The following PTPRM variants were observed in gnomAD, a reference collection of about 807,000 sequenced individuals.
PTPRM encodes the protein receptor-type tyrosine-protein phosphatase mu.
PTPRM carries 47 observed loss-of-function variants against 186.7 expected under a neutral mutation model. The observed-to-expected ratio is 0.25, with a 90% CI of 0.20 to 0.32. PTPRM has a LOEUF of 0.32. Among genes scored for constraint, PTPRM ranks in the 10% least tolerant of loss-of-function variants. PTPRM has a pLI of 1.00. For synonymous variants in PTPRM, 668 were observed against 674.9 expected, an observed-to-expected ratio of 0.99 and a Z score of 0.16; for missense variants, 1,494 against 1,865.0, an observed-to-expected ratio of 0.80 and a Z score of 3.66.
rs912858302 is a variant in PTPRM, at chr18:8,028,738, C to A, written c.1133-40948C>A. On this transcript the variant is annotated intron_variant, in intron 7 of 32. Coordinates refer to ENST00000580170, the MANE Select transcript of PTPRM (RefSeq NM_001105244.2). Reference sequence around the variant, plus strand: ...TGTACTAGTCTGGGTAAAAGAAGAGCGTATTTCTGCCTTGCTAGTACATCA... The same window carrying A: ...TGTACTAGTCTGGGTAAAAGAAGAGAGTATTTCTGCCTTGCTAGTACATCA... Among the ~76,000 whole-genome samples, 4 of 152,134 alleles carry A rather than the reference C, an allele frequency of 2.6e-5. No homozygotes were observed. The South Asian group carries it at 8.3e-4, about 32-fold the overall frequency.
chr18:7,945,897 C>G (rs2052491055), intron 5 of PTPRM, among the ~76,000 whole-genome samples: 1 of 152,182 alleles, frequency 6.6e-6, no homozygotes, highest in Admixed American at 6.5e-5. Flanking sequence ...GTGTGATTTG[C>G]TATTCCTGTG....
intron 11 of PTPRM, among the ~76,000 whole-genome samples, chr18:8,102,570 T>A (rs907483198): frequency 2.7e-5 from 4 of 149,688 alleles, no homozygotes; most frequent in African/African-American, 1.0e-4. Flanking sequence ...AGTGTGATCA[T>A]GAGATTGCAG....
rs369527858 is a variant in PTPRM, at chr18:7,906,596, T to C, written c.547+13T>C. On this transcript the variant is annotated intron_variant, in intron 4 of 32. Transcript: ENST00000580170. The stretch of plus-strand genomic sequence containing the variant: ...GGACATCCATGTAGTAAGTTGTCTT[T>C]ATTTGTAAATATTCGGGTACATCAT... 7.0e-6 allele frequency: 11 copies of C among 1,572,140 alleles called. No individual in the cohort carries two copies. The African/African-American group carries it at 1.2e-4, about 17-fold the overall frequency.
intron 7 of PTPRM, among the ~76,000 whole-genome samples, chr18:8,027,169 A>G (rs150481553): frequency 1.2e-3 from 178 of 152,322 alleles, no homozygotes; most frequent in African/African-American, 4.0e-3. Context: ...ATTCACTTCT[A>G]ACAAAGAACT....
intron 1 of PTPRM, among the ~76,000 whole-genome samples, chr18:7,639,040 A>T (rs2038383295): frequency 6.6e-6 from 1 of 152,082 alleles, no homozygotes; most frequent in African/African-American, 2.4e-5. Context: ...TTCCAGGTGA[A>T]TTTAAACTAG....
chr18:7,690,095 C>A (rs2039700816), intron 1 of PTPRM, among the ~76,000 whole-genome samples: 1 of 152,190 alleles, frequency 6.6e-6, no homozygotes, highest in African/African-American at 2.4e-5. Flanking sequence ...CTACAGAAAT[C>A]AATCTCATTC....
intron 1 of PTPRM, among the ~76,000 whole-genome samples, chr18:7,605,527 T>TA (rs2037511013): frequency 6.6e-6 from 1 of 152,108 alleles, no homozygotes; most frequent in South Asian, 2.1e-4. Flanking sequence ...TATAGATGTA[T>TA]AAGGGAGGCA....
intron 7 of PTPRM, among the ~76,000 whole-genome samples, chr18:7,965,423 G>A (rs1262327474): frequency 3.9e-5 from 6 of 152,230 alleles, no homozygotes; most frequent in African/African-American, 1.2e-4. Flanking sequence ...GCTGAGGTGC[G>A]CTGGGAGACA....
At chr18:8,148,208 G>C (rs2146191615) in intron 14 of PTPRM, among the ~76,000 whole-genome samples, 1 of 152,128 alleles carries the variant, frequency 6.6e-6, no homozygotes, top group East Asian at 1.9e-4. Flanking sequence ...GTTTGGAATA[G>C]TTTGAGAAGG....
chr18:7,656,467 T>C (rs2038851490), intron 1 of PTPRM, among the ~76,000 whole-genome samples: 1 of 152,100 alleles, frequency 6.6e-6, no homozygotes, highest in African/African-American at 2.4e-5. Flanking sequence ...ATGGGGATGG[T>C]GTTTCTGTTT....
chr18:8,140,301 C>T (rs1207378008), intron 13 of PTPRM, among the ~76,000 whole-genome samples: 1 of 152,100 alleles, frequency 6.6e-6, no homozygotes, highest in African/African-American at 2.4e-5. Context: ...AAGCCAGTGG[C>T]TGAGTACATC....
chr18:7,957,972 G>A (rs2053425157), intron 7 of PTPRM, among the ~76,000 whole-genome samples: 2 of 152,114 alleles, frequency 1.3e-5, no homozygotes, highest in African/African-American at 4.8e-5. Flanking sequence ...AACATCCTTG[G>A]CCAGGGGCAA....
At chr18:7,962,682 C>T (rs1462193683) in intron 7 of PTPRM, among the ~76,000 whole-genome samples, 2 of 152,086 alleles carry the variant, frequency 1.3e-5, no homozygotes, top group African/African-American at 4.8e-5. Context: ...AGGCTGACCT[C>T]GCTGCTATTT....
At chr18:8,341,444 T>C (rs1233403076) in intron 22 of PTPRM, among the ~76,000 whole-genome samples, 1 of 152,124 alleles carries the variant, frequency 6.6e-6, no homozygotes, top group Non-Finnish European at 1.5e-5. Context: ...AATCCCAGAA[T>C]GTCGGCTGGC....
intron 9 of PTPRM, among the ~76,000 whole-genome samples, chr18:8,082,958 C>T (rs545601707): frequency 9.9e-5 from 15 of 151,704 alleles, no homozygotes; most frequent in African/African-American, 3.4e-4. Flanking sequence ...TCCTTTATTC[C>T]ATCCTCTTTT....
At chr18:7,735,779 T>G (rs79928248) in intron 1 of PTPRM, among the ~76,000 whole-genome samples, 8,138 of 151,812 alleles carry the variant, frequency 0.054, 561 homozygotes, top group African/African-American at 0.15. Flanking sequence ...CTACTGGGAG[T>G]CCTCATCTAA....
intron 13 of PTPRM, among the ~76,000 whole-genome samples, chr18:8,121,350 T>C (rs966204969): frequency 1.3e-5 from 2 of 152,254 alleles, no homozygotes; most frequent in Non-Finnish European, 1.5e-5. Flanking sequence ...TGTAAATTAG[T>C]AATCTTTCAT....
intron 1 of PTPRM, among the ~76,000 whole-genome samples, chr18:7,635,316 C>T (rs1160131506): frequency 2.0e-5 from 3 of 152,070 alleles, no homozygotes; most frequent in African/African-American, 7.2e-5. Flanking sequence ...TTTTATAATG[C>T]AGGGCCCAAG....
intron 12 of PTPRM, 76 bp from the exon 13 acceptor site, chr18:8,114,715 A>G (rs1320040905): frequency 5.8e-6 from 7 of 1,206,252 alleles, no homozygotes; most frequent in Non-Finnish European, 8.4e-6. Context: ...GTGCTATTTA[A>G]ATAGAATTAC....
Sources: allele counts gnomAD v4.1 joint callset (sites outside exome capture counted in the v4.1 genomes callset), GRCh38; gene constraint gnomAD v4.1.1; transcripts MANE v1.5; gene names NCBI Gene and HGNC (gene_info 2026-07-23, HGNC 2026-07-21).